Variants in CTNNA3 observed in about 807,000 individuals in gnomAD.
CTNNA3 encodes catenin alpha-3.
CTNNA3 carries 76 observed loss-of-function variants against 95.7 expected under a neutral mutation model. The ratio of observed to expected loss-of-function variants is 0.79; its 90% CI spans 0.66 to 0.96. The LOEUF is 0.96. CTNNA3 is among the 40% of genes least tolerant of loss of function. The probability of loss-of-function intolerance (pLI) is 0.00; values close to 1 mark genes in which losing one functional copy is unlikely to be tolerated. For missense variants in CTNNA3, 1,191 were observed against 1,089.8 expected (o/e 1.09, Z -1.31); for synonymous variants, 431 against 374.4 (o/e 1.15, Z -1.74).
intron 12 of CTNNA3, among the ~76,000 whole-genome samples, chr10:66,344,703 C>A (rs192510167): frequency 2.0e-5 from 3 of 152,210 alleles, no homozygotes; most frequent in African/African-American, 4.8e-5. Flanking sequence ...CCCAAACAGT[C>A]TCTTTATGAA....
At chr10:66,346,471 G>A (rs1018449217) in intron 12 of CTNNA3, among the ~76,000 whole-genome samples, 1 of 151,852 alleles carries the variant, frequency 6.6e-6, no homozygotes, top group Non-Finnish European at 1.5e-5. Context: ...TAAAGACGGG[G>A]CTTCACCATG....
chr10:65,980,383 A>T (rs2078293456), intron 16 of CTNNA3, among the ~76,000 whole-genome samples: 1 of 152,036 alleles, frequency 6.6e-6, no homozygotes, highest in African/African-American at 2.4e-5. Flanking sequence ...ACAAATTCAC[A>T]GCTGAATTCT....
At chr10:65,934,965 T>A (rs2077312418) in intron 17 of CTNNA3, among the ~76,000 whole-genome samples, 1 of 152,106 alleles carries the variant, frequency 6.6e-6, no homozygotes, top group Admixed American at 6.5e-5. Context: ...ACAGTAACAC[T>A]GAGTGAGGAG....
At chr10:66,038,236 T>C (rs910500989) in intron 15 of CTNNA3, among the ~76,000 whole-genome samples, 1 of 152,204 alleles carries the variant, frequency 6.6e-6, no homozygotes, top group African/African-American at 2.4e-5. Context: ...TCTGAGCCCA[T>C]GGATATCTTT....
chr10:66,826,171 A>G (rs932102056), intron 7 of CTNNA3, among the ~76,000 whole-genome samples: 10 of 152,204 alleles, frequency 6.6e-5, no homozygotes, highest in Non-Finnish European at 1.3e-4. Context: ...ACATATGTCA[A>G]TCTTACGAAA....
At position 67,265,664 on chromosome 10, in the gene CTNNA3, C is replaced by T. The variant is rs117243893; in HGVS notation, c.580-45794G>A. Among the ~76,000 whole-genome samples the T allele has an allele frequency of 7.7e-3, 1,168 of 152,152 alleles. 40 individuals are homozygous for T. In the South Asian group the frequency reaches 0.093, roughly 12 times the overall value. ...CATGGGATAAATTTAACTGGAGTAG[C>T]TCAACACTCAGAGACATCAGGTACT... On this transcript the variant is annotated intron_variant, in intron 5 of 17. Transcript: ENST00000433211.
Position 66,072,063 on chromosome 10 carries a change from C to T in CTNNA3, c.1978-2574G>A, listed in dbSNP as rs145263908. On this transcript the variant is annotated intron_variant, in intron 14 of 17. Coordinates refer to ENST00000433211, the MANE Select transcript of CTNNA3 (RefSeq NM_013266.4). Reference sequence around the variant, plus strand: ...TTACTCAACTGGCAGAGTTGTTACTCTGTTATATTGCAAGAGCAGTCATGA... The same window carrying T: ...TTACTCAACTGGCAGAGTTGTTACTTTGTTATATTGCAAGAGCAGTCATGA... 2.6e-3 allele frequency among the ~76,000 whole-genome samples: 390 copies of T among 152,290 alleles called. 6 individuals are homozygous for T. The highest frequency in any genetic ancestry group is 9.1e-3 in the African/African-American group (377 of 41,568).
chr10:66,360,643 C>CCTTCCT (rs1554944372), intron 12 of CTNNA3, among the ~76,000 whole-genome samples: 1 of 61,792 alleles, frequency 1.6e-5, no homozygotes, highest in Non-Finnish European at 3.2e-5. Flanking sequence ...TTCTTTCTTT[C>CCTTCCT]TTTCTTTCTT....
chr10:66,864,926 TG>T (rs1444302011), intron 7 of CTNNA3, among the ~76,000 whole-genome samples: 1 of 152,096 alleles, frequency 6.6e-6, no homozygotes, highest in Non-Finnish European at 1.5e-5. Context: ...AATACGGAAT[TG>T]TATACATTTA....
chr10:67,357,752 G>A (rs564777987), intron 5 of CTNNA3, among the ~76,000 whole-genome samples: 51 of 152,076 alleles, frequency 3.4e-4, no homozygotes, highest in African/African-American at 1.2e-3. Context: ...AGCAAGGGAA[G>A]CTATTACAAA....
At chr10:67,698,236 T>TG (rs199626789), upstream of CTNNA3, among the ~76,000 whole-genome samples, 6,686 of 144,238 alleles carry the variant, frequency 0.046, 147 homozygotes, top group Middle Eastern at 0.086. Context: ...GTAGAAGAGC[T>TG]GGGGAAAAAA....
Position 66,685,171 on chromosome 10 carries a change from A to ATGTG in CTNNA3, c.1282-63388_1282-63387insCACA, listed in dbSNP as rs1186088769. Among the ~76,000 whole-genome samples the ATGTG allele has an allele frequency of 1.6e-3, 171 of 110,098 alleles. 1 individual carries two copies. The highest frequency in any genetic ancestry group is 5.8e-3 in the African/African-American group (152 of 26,206). 72.2% of individuals were successfully genotyped at this position (110,098 alleles called of 152,430 possible). A position where few individuals can be genotyped will look rare whatever the true frequency, so the allele number is the denominator to read the frequency against. Reference sequence around the variant, plus strand: ...TATATATATATACACGTATATATATATATACACATATATATATACGTGTAT... The same window carrying ATGTG: ...TATATATATATACACGTATATATATATGTGTATACACATATATATATACGTGTAT... On this transcript the variant is annotated intron_variant, in intron 9 of 17. Transcript: ENST00000433211.
At chr10:66,416,041 TA>T in intron 11 of CTNNA3, among the ~76,000 whole-genome samples, 1 of 151,940 alleles carries the variant, frequency 6.6e-6, no homozygotes, top group East Asian at 1.9e-4. Flanking sequence ...AAGAGAATTC[TA>T]AAAAAACAAA....
At chr10:66,723,048 C>T (rs1057376656) in intron 9 of CTNNA3, among the ~76,000 whole-genome samples, 2 of 151,972 alleles carry the variant, frequency 1.3e-5, no homozygotes, top group African/African-American at 4.8e-5. Context: ...ATCATTCTAG[C>T]TTCTTAGCCA....
chr10:65,980,241 C>T (rs2078290591), intron 16 of CTNNA3, among the ~76,000 whole-genome samples: 1 of 151,834 alleles, frequency 6.6e-6, no homozygotes, highest in Non-Finnish European at 1.5e-5. Context: ...TGAATAAATT[C>T]CTGGAAATAT....
chr10:65,993,640 A>G (rs2078589352), intron 15 of CTNNA3, among the ~76,000 whole-genome samples: 1 of 152,150 alleles, frequency 6.6e-6, no homozygotes, highest in Admixed American at 6.6e-5. Flanking sequence ...TGTCTTTACA[A>G]GTGAAGTGAG....
chr10:65,980,038 C>A (rs943364264), intron 16 of CTNNA3, among the ~76,000 whole-genome samples: 1 of 151,848 alleles, frequency 6.6e-6, no homozygotes, highest in Non-Finnish European at 1.5e-5. Flanking sequence ...AAATATAAAG[C>A]TGGTTCTTTG....
At chr10:65,951,266 A>C (rs1350910416) in intron 17 of CTNNA3, among the ~76,000 whole-genome samples, 7 of 152,178 alleles carry the variant, frequency 4.6e-5, no homozygotes, top group African/African-American at 1.7e-4. Flanking sequence ...TGTGAAGGGA[A>C]AGGTAAAACA....
At chr10:66,836,689 T>C (rs906162543) in intron 7 of CTNNA3, among the ~76,000 whole-genome samples, 1 of 152,144 alleles carries the variant, frequency 6.6e-6, no homozygotes, top group African/African-American at 2.4e-5. Flanking sequence ...CAGTTCCTTT[T>C]TAAATATGGA....
Sources: gnomAD v4.1 joint callset for allele counts (sites outside exome capture counted in the v4.1 genomes callset) on GRCh38, gnomAD v4.1.1 for gene constraint, MANE v1.5 for transcripts, NCBI Gene and HGNC (gene_info 2026-07-23, HGNC 2026-07-21) for gene names.